Variants in RCL1 observed in about 807,000 individuals in gnomAD.
RCL1 encodes RNA terminal phosphate cyclase like 1.
Under a neutral mutation model 42.4 loss-of-function variants are expected in RCL1, and 24 were observed. That is an observed-to-expected ratio of 0.57 (90% CI 0.41 to 0.80). RCL1 has a LOEUF of 0.80. Ranked by LOEUF, RCL1 falls within the 30% of genes least tolerant of loss-of-function variation. The probability of loss-of-function intolerance (pLI) is 0.00; values close to 1 mark genes in which losing one functional copy is unlikely to be tolerated. For missense variants in RCL1, 578 were observed against 467.9 expected (o/e 1.24, Z -2.17); for synonymous variants, 228 against 177.3 (o/e 1.29, Z -2.27).
intron 5 of RCL1, among the ~76,000 whole-genome samples, chr9:4,837,264 C>A (rs1817171191): frequency 6.6e-6 from 1 of 152,016 alleles, no homozygotes; most frequent in African/African-American, 2.4e-5. Flanking sequence ...TGTTGATGGC[C>A]ATTGAGTTGT....
At chr9:4,852,294 G>A (rs1817780820) in intron 8 of RCL1, among the ~76,000 whole-genome samples, 1 of 152,154 alleles carries the variant, frequency 6.6e-6, no homozygotes, top group African/African-American at 2.4e-5. Flanking sequence ...TTGAGTTTTA[G>A]GTGGCTTACA....
intron 7 of RCL1, 68 bp from the exon 8 acceptor site, chr9:4,849,379 T>G (rs553060029): frequency 4.8e-5 from 59 of 1,230,418 alleles, no homozygotes; most frequent in Admixed American, 3.2e-4. Flanking sequence ...TTCTGGTTTT[T>G]TTTTTCCTCC....
intron 2 of RCL1, among the ~76,000 whole-genome samples, chr9:4,825,002 C>G (rs1036788399): frequency 6.6e-6 from 1 of 152,116 alleles, no homozygotes; most frequent in Non-Finnish European, 1.5e-5. Context: ...ACTTCTGCCT[C>G]CCGGGTTCAA....
chr9:4,835,431 A>C (rs1189968401), intron 5 of RCL1, among the ~76,000 whole-genome samples: 1 of 152,178 alleles, frequency 6.6e-6, no homozygotes, highest in Non-Finnish European at 1.5e-5. Context: ...CCTGGGGAAG[A>C]GTGCTGGATC....
Position 4,826,900 on chromosome 9 carries a change from C to A in RCL1, c.251C>A (p.Ser84Tyr). The change falls in exon 3 of 9, where the codon TCT becomes TAT. Residue 84 changes from serine (S) to tyrosine (Y), a missense_variant. Physicochemically the swap from Ser to Tyr is moderately radical, Grantham distance 144. Coordinates refer to ENST00000381750, the MANE Select transcript of RCL1 (RefSeq NM_005772.5). ...CAGCCTGGCCTCCTGTATGGTGGAT[C>A]TGTGGAACATGACTGTAGCGTCCTT... Reference protein sequence around the residue: ...YYQPGLLYGGSVEHDCSVLRG... With the variant: ...YYQPGLLYGGYVEHDCSVLRG... 6.2e-7 allele frequency: 1 copy of A among 1,614,102 alleles called. No individual in the cohort carries two copies. The highest frequency in any genetic ancestry group is 1.1e-5 in the South Asian group (1 of 91,066).
intron 1 of RCL1, among the ~76,000 whole-genome samples, chr9:4,805,732 G>A (rs926421285): frequency 8.6e-5 from 13 of 152,046 alleles, no homozygotes; most frequent in Non-Finnish European, 1.6e-4. Flanking sequence ...ATGGAGGAGG[G>A]GTGAGAAGAG....
At chr9:4,817,714 C>G (rs1816434080) in intron 1 of RCL1, among the ~76,000 whole-genome samples, 1 of 151,974 alleles carries the variant, frequency 6.6e-6, no homozygotes, top group African/African-American at 2.4e-5. Flanking sequence ...CCATGCTGGT[C>G]TTGAACACCT....
intron 5 of RCL1, among the ~76,000 whole-genome samples, chr9:4,834,848 G>C (rs1817068555): frequency 6.6e-6 from 1 of 152,120 alleles, no homozygotes; most frequent in Admixed American, 6.5e-5. Flanking sequence ...CTTTTTTGCA[G>C]ATGGGGAAAC....
At chr9:4,839,569 A>C in intron 5 of RCL1, 26 of 693,386 alleles carry the variant, frequency 3.7e-5, no homozygotes, top group South Asian at 6.5e-5. Context: ...TCCAAAGGGT[A>C]TGAGATTCAG....
chr9:4,833,270 A>G (rs1231665096), intron 4 of RCL1, 42 bp downstream of exon 4: 8 of 1,410,296 alleles, frequency 5.7e-6, no homozygotes, highest in African/African-American at 1.4e-5. Flanking sequence ...CCTGTGGAAA[A>G]CATTTTCCCA....
chr9:4,852,605 C>T lies in RCL1; in HGVS notation c.971+3055C>T, dbSNP rs76635833. Among the ~76,000 whole-genome samples the T allele has an allele frequency of 7.2e-3, 1,099 of 152,144 alleles. 16 individuals carry two copies. The highest frequency in any genetic ancestry group is 8.6e-3 in the Non-Finnish European group (586 of 68,000). The stretch of plus-strand genomic sequence containing the variant: ...CTTGGTGTCATTTGTAGATAAGGTG[C>T]GTGGTCCTGAAGTCCTGGACTTGTG... On this transcript the variant is annotated intron_variant, in intron 8 of 8. Coordinates refer to ENST00000381750, the MANE Select transcript of RCL1 (RefSeq NM_005772.5).
chr9:4,840,749 C>G (rs962293660), intron 5 of RCL1, among the ~76,000 whole-genome samples: 99 of 152,298 alleles, frequency 6.5e-4, no homozygotes, highest in African/African-American at 2.3e-3. Flanking sequence ...CATCAGCATA[C>G]CAGGAGTCAG....
chr9:4,793,373 G>C, intron 1 of RCL1, 146 bp downstream of exon 1: 4 of 876,942 alleles, frequency 4.6e-6, no homozygotes, highest in Non-Finnish European at 6.4e-6. Flanking sequence ...CGCCTCCAAA[G>C]CCGGAGGGGC....
At chr9:4,795,056 C>G (rs548253951) in intron 1 of RCL1, among the ~76,000 whole-genome samples, 1 of 151,958 alleles carries the variant, frequency 6.6e-6, no homozygotes, top group Admixed American at 6.6e-5. Flanking sequence ...CCTCAGAAAC[C>G]TTGTAGATGT....
chr9:4,844,510 C>T lies in RCL1; in HGVS notation c.711-15C>T, dbSNP rs1376164309. 3 of 1,599,864 alleles carry T rather than the reference C, an allele frequency of 1.9e-6. No individual in the cohort carries two copies. Among genetic ancestry groups the T allele is most frequent in the Non-Finnish European group, 2.6e-6 (3 of 1,172,766 alleles). On this transcript the variant is annotated splice_polypyrimidine_tract_variant and intron_variant, in intron 6 of 8. Coordinates refer to ENST00000381750, the MANE Select transcript of RCL1 (RefSeq NM_005772.5). ...TGGTTAAACCTACTCAGTGTTTGTG[C>T]CTTTGTATCTCCAGGTCTCCGGGCT...
chr9:4,860,458 C>G lies in RCL1; in HGVS notation c.*183C>G, dbSNP rs1228908684. 4.5e-6 allele frequency: 3 copies of G among 667,822 alleles called. No individual in the cohort carries two copies. The highest frequency in any genetic ancestry group is 3.9e-5 in the Admixed American group (1 of 25,330). 41.4% of individuals were successfully genotyped at this position (667,822 alleles called of 1,614,324 possible). On this transcript the variant is annotated 3_prime_UTR_variant, in exon 9 of 9. Coordinates refer to ENST00000381750, the MANE Select transcript of RCL1 (RefSeq NM_005772.5). ...TAGCATATGGTTTCCAGCTGTTTCT[C>G]CAGTGGCATTGCCATTGCCCAGGAG...
Position 4,860,459 on chromosome 9 carries a change from C to A in RCL1, c.*184C>A. ...AGCATATGGTTTCCAGCTGTTTCTCCAGTGGCATTGCCATTGCCCAGGAGG... is the reference window on the plus strand; with the variant it reads ...AGCATATGGTTTCCAGCTGTTTCTCAAGTGGCATTGCCATTGCCCAGGAGG... On this transcript the variant is annotated 3_prime_UTR_variant, in exon 9 of 9. Transcript: ENST00000381750. 1.5e-6 allele frequency: 1 copy of A among 663,828 alleles called. No homozygotes were observed. Among genetic ancestry groups the A allele is most frequent in the Non-Finnish European group, 2.3e-6 (1 of 428,298 alleles). The allele number at this position is 663,828 out of a possible 1,614,324, so 41.1% of individuals were successfully genotyped here.
Position 4,793,103 on chromosome 9 carries a change from G to A in RCL1, c.12G>A (p.Gln4=), listed in dbSNP as rs1842855583. 2 of 1,609,350 alleles carry A rather than the reference G, an allele frequency of 1.2e-6. No homozygotes were observed. Among genetic ancestry groups the A allele is most frequent in the African/African-American group, 1.3e-5 (1 of 74,272 alleles). The change falls in exon 1 of 9, where the codon CAG becomes CAA. Residue 4 remains glutamine (Q), a synonymous_variant. Coordinates refer to ENST00000381750, the MANE Select transcript of RCL1 (RefSeq NM_005772.5). The part of the protein sequence containing the change: MAT[Q]AHSLSYAGCN... ...CGGAGAGCGCGCACATGGCGACTCA[G>A]GCGCACTCCCTCAGCTACGCAGGGT...
intron 5 of RCL1, among the ~76,000 whole-genome samples, chr9:4,840,225 A>G (rs957657933): frequency 6.6e-6 from 1 of 152,226 alleles, no homozygotes; most frequent in Non-Finnish European, 1.5e-5. Context: ...TGTTATTGTC[A>G]GCAGTTCTTG....
Sources: gnomAD v4.1 joint callset for allele counts (sites outside exome capture counted in the v4.1 genomes callset) on GRCh38, gnomAD v4.1.1 for gene constraint, MANE v1.5 for transcripts, NCBI Gene and HGNC (gene_info 2026-07-23, HGNC 2026-07-21) for gene names.